LOC400499: variants seen among roughly 807,000 people sequenced by gnomAD.
At chr16:11,418,213 C>A in the LOC400499 span, among the ~76,000 whole-genome samples, 1 of 152,142 alleles carries the variant, frequency 6.6e-6, no homozygotes, top group African/African-American at 2.4e-5. Flanking sequence ...TGGAACACAG[C>A]CCTGCCTGTT....
the LOC400499 span, among the ~76,000 whole-genome samples, chr16:11,519,157 A>G: frequency 6.6e-6 from 1 of 152,178 alleles, no homozygotes; most frequent in Non-Finnish European, 1.5e-5. Flanking sequence ...GTCTCACTGA[A>G]ATAATCAAGT....
At chr16:11,509,558 C>T in the LOC400499 span, among the ~76,000 whole-genome samples, 1 of 151,802 alleles carries the variant, frequency 6.6e-6, no homozygotes, top group African/African-American at 2.4e-5. Flanking sequence ...GTGCCTGGCA[C>T]AGAGGCTCAT....
At chr16:11,508,108 A>T in the LOC400499 span, among the ~76,000 whole-genome samples, 2 of 152,196 alleles carry the variant, frequency 1.3e-5, no homozygotes, top group African/African-American at 4.8e-5. Flanking sequence ...CAATCCAATG[A>T]CACATCACTT....
chr16:11,471,052 G>A, the LOC400499 span, among the ~76,000 whole-genome samples: 675 of 152,326 alleles, frequency 4.4e-3, 4 homozygotes, highest in African/African-American at 0.015. Context: ...GGGTCACGGC[G>A]TCTGGCTCCT....
the LOC400499 span, among the ~76,000 whole-genome samples, chr16:11,463,896 G>C: frequency 1.3e-5 from 2 of 152,160 alleles, no homozygotes; most frequent in Non-Finnish European, 2.9e-5. Context: ...AATGTGTACA[G>C]ATATGTCCAC....
At chr16:11,426,253 T>C in the LOC400499 span, among the ~76,000 whole-genome samples, 1 of 151,850 alleles carries the variant, frequency 6.6e-6, no homozygotes, top group Non-Finnish European at 1.5e-5. Context: ...CTGGTCAACA[T>C]GGTGAAACCC....
the LOC400499 span, chr16:11,384,172 A>C: frequency 1.3e-4 from 154 of 1,219,922 alleles, no homozygotes; most frequent in African/African-American, 2.2e-3. Context: ...AGCAGCCCTC[A>C]AGAACCTCAG....
At chr16:11,452,201 G>GTTTTTTTTTTTTTTTTTTTTT in the LOC400499 span, among the ~76,000 whole-genome samples, 2 of 77,198 alleles carry the variant, frequency 2.6e-5, no homozygotes, top group African/African-American at 4.2e-5. Flanking sequence ...CAGTTTTTTT[G>GTTTTTTTTTTTTTTTTTTTTT]TTTGTTTTTT....
At chr16:11,509,361 A>G in the LOC400499 span, among the ~76,000 whole-genome samples, 4 of 148,024 alleles carry the variant, frequency 2.7e-5, no homozygotes, top group South Asian at 2.2e-4. Flanking sequence ...CTTGTGATCC[A>G]CCCACCTCGG....
At chr16:11,433,251 G>A in the LOC400499 span, among the ~76,000 whole-genome samples, 3 of 152,108 alleles carry the variant, frequency 2.0e-5, no homozygotes, top group East Asian at 1.9e-4. Flanking sequence ...AATTTGCCTC[G>A]AATCCTTTTC....
the LOC400499 span, among the ~76,000 whole-genome samples, chr16:11,493,104 C>T: frequency 1.3e-5 from 2 of 152,068 alleles, no homozygotes; most frequent in African/African-American, 4.8e-5. Flanking sequence ...AGGTGAGGCC[C>T]AGAGGTCAGA....
At chr16:11,406,085 G>C in the LOC400499 span, among the ~76,000 whole-genome samples, 1 of 150,796 alleles carries the variant, frequency 6.6e-6, no homozygotes, top group Non-Finnish European at 1.5e-5. Flanking sequence ...TTGTGTAATG[G>C]TGGGGACTGG....
chr16:11,384,209 C>G, the LOC400499 span: 46 of 1,226,986 alleles, frequency 3.7e-5, no homozygotes, highest in Non-Finnish European at 3.2e-5. Flanking sequence ...CAGGTGCACC[C>G]GCTCACCTGC....
chr16:11,515,777 AGGAGGAAAAG>A, the LOC400499 span, among the ~76,000 whole-genome samples: 4 of 150,932 alleles, frequency 2.7e-5, no homozygotes, highest in Admixed American at 2.0e-4. Flanking sequence ...AGGGAGGAGG[AGGAGGAAAAG>A]GGAGGAGGAG....
At chr16:11,460,095 G>A in the LOC400499 span, 1 of 1,306,618 alleles carries the variant, frequency 7.7e-7, no homozygotes, top group Non-Finnish European at 9.8e-7. Flanking sequence ...TGGAGGCCCT[G>A]CCCACCCAGT....
At chr16:11,504,457 G>C in the LOC400499 span, among the ~76,000 whole-genome samples, 4 of 152,110 alleles carry the variant, frequency 2.6e-5, no homozygotes, top group Non-Finnish European at 5.9e-5. Flanking sequence ...TCAGGAGGCT[G>C]AGGCAAGAGA....
the LOC400499 span, among the ~76,000 whole-genome samples, chr16:11,379,905 C>G: frequency 6.6e-6 from 1 of 152,170 alleles, no homozygotes; most frequent in Admixed American, 6.5e-5. Flanking sequence ...CAATCACATA[C>G]AAATACCCCA....
chr16:11,373,255 G>A, the LOC400499 span, among the ~76,000 whole-genome samples: 1 of 152,182 alleles, frequency 6.6e-6, no homozygotes, highest in Non-Finnish European at 1.5e-5. Flanking sequence ...CCATCAAGTG[G>A]GGTGGACAAG....
the LOC400499 span, chr16:11,414,294 CAG>C: frequency 3.3e-5 from 13 of 399,272 alleles, no homozygotes; most frequent in East Asian, 4.6e-4. Flanking sequence ...AGGAATTGGA[CAG>C]AGAGAACAGA....
Sources: gnomAD v4.1 joint callset for allele counts (sites outside exome capture counted in the v4.1 genomes callset) on GRCh38, gnomAD v4.1.1 for gene constraint, MANE v1.5 for transcripts.